Variants in PHACTR4 observed in about 807,000 individuals in gnomAD.
The protein encoded by PHACTR4 is phosphatase and actin regulator 4.
Under a neutral mutation model 72.7 loss-of-function variants are expected in PHACTR4, and 51 were observed. That is an observed-to-expected ratio of 0.70 (90% CI 0.56 to 0.89). The LOEUF is 0.89. Ranked by LOEUF, PHACTR4 falls within the 40% of genes least tolerant of loss-of-function variation. PHACTR4 has a pLI of 0.00. For synonymous variants in PHACTR4, 255 were observed against 302.5 expected, an observed-to-expected ratio of 0.84 and a Z score of 1.63; for missense variants, 731 against 861.8, an observed-to-expected ratio of 0.85 and a Z score of 1.90.
chr1:28,373,913 A>G (rs996682699), intron 1 of PHACTR4, among the ~76,000 whole-genome samples: 10 of 152,332 alleles, frequency 6.6e-5, no homozygotes, highest in Admixed American at 2.6e-4. Context: ...CTTCAAATCT[A>G]GTCCTCTTTC....
At chr1:28,483,265 C>CA (rs764602504) in intron 9 of PHACTR4, among the ~76,000 whole-genome samples, 32 of 152,036 alleles carry the variant, frequency 2.1e-4, no homozygotes, top group Non-Finnish European at 3.7e-4. Flanking sequence ...CATGGTGACA[C>CA]ACGTTTATGG....
At chr1:28,495,609 ATTTATTTTTT>A (rs1021523295) in intron 13 of PHACTR4, among the ~76,000 whole-genome samples, 1 of 143,782 alleles carries the variant, frequency 7.0e-6, no homozygotes, top group African/African-American at 2.9e-5. Flanking sequence ...ATTTTTATTT[ATTTATTTTTT>A]TTTTTTTTAT....
intron 2 of PHACTR4, among the ~76,000 whole-genome samples, chr1:28,421,214 C>G (rs535116090): frequency 6.6e-6 from 1 of 152,124 alleles, no homozygotes; most frequent in Non-Finnish European, 1.5e-5. Context: ...TACAAGATTA[C>G]TGTTTGAAAC....
chr1:28,489,904 A>G (rs767062804), intron 10 of PHACTR4: 1 of 518,638 alleles, frequency 1.9e-6, no homozygotes, highest in Non-Finnish European at 3.8e-6. Flanking sequence ...GGTATACACA[A>G]CTTAATAACT....
In PHACTR4 at chr1:28,485,467, A is replaced by G. The variant is rs1660577921; in HGVS notation, c.1761-3703A>G. The stretch of plus-strand genomic sequence containing the variant: ...CCGGGTGTTGTGGCAGGCACCTGTA[A>G]TCCCAGCTAGTCAGGAGGCTGAGGC... On this transcript the variant is annotated intron_variant, in intron 9 of 13. Transcript: ENST00000373839. Among the ~76,000 whole-genome samples the G allele has an allele frequency of 2.0e-5, 3 of 151,410 alleles. No homozygotes were observed. The South Asian group carries it at 6.2e-4, about 32-fold the overall frequency.
intron 2 of PHACTR4, among the ~76,000 whole-genome samples, chr1:28,454,325 G>A (rs1658208457): frequency 7.6e-6 from 1 of 131,534 alleles, no homozygotes; most frequent in Non-Finnish European, 1.5e-5. Flanking sequence ...CGCCCAGGCT[G>A]GAGTACAGTG....
At chr1:28,486,371 G>A (rs1244325523) in intron 9 of PHACTR4, among the ~76,000 whole-genome samples, 2 of 151,948 alleles carry the variant, frequency 1.3e-5, no homozygotes, top group Non-Finnish European at 2.9e-5. Flanking sequence ...GAAAGGAAAG[G>A]AAATAAATAC....
chr1:28,456,916 C>CAGATAGATAGATAGAT (rs67017920), intron 2 of PHACTR4, among the ~76,000 whole-genome samples: 6 of 150,768 alleles, frequency 4.0e-5, no homozygotes, highest in African/African-American at 1.5e-4. Flanking sequence ...GATAGAGAGA[C>CAGATAGATAGATAGAT]AGATAGATAG....
chr1:28,482,691 TTGGGAGGCTCACTTGAGG>T (rs1660352818), intron 9 of PHACTR4, among the ~76,000 whole-genome samples: 1 of 152,076 alleles, frequency 6.6e-6, no homozygotes. Flanking sequence ...TCCCAACATT[TTGGGAGGCTCACTTGAGG>T]TGGGAGGCTC....
chr1:28,465,710 C>T lies in PHACTR4; in HGVS notation c.297C>T (p.Ser99=), dbSNP rs1170866513. 4.3e-6 allele frequency: 7 copies of T among 1,613,548 alleles called. No homozygotes were observed. Among genetic ancestry groups the T allele is most frequent in the African/African-American group, 1.3e-5 (1 of 74,876 alleles). ...EQGGEDPGKP[S]DAMLKNGHTT... ...GTGGTGAGGATCCAGGAAAGCCAAG[C>T]GATGCCATGTTAAAGAATGGCCATA... The change falls in exon 5 of 14, where the codon AGC becomes AGT. Residue 99 remains serine (S), a synonymous_variant. Coordinates refer to ENST00000373839, the MANE Select transcript of PHACTR4 (RefSeq NM_001048183.3).
chr1:28,462,346 A>G (rs1265661945), intron 4 of PHACTR4, among the ~76,000 whole-genome samples: 2 of 151,652 alleles, frequency 1.3e-5, no homozygotes, highest in Non-Finnish European at 2.9e-5. Flanking sequence ...TCCACTTTCC[A>G]TGGCCTTTCT....
At chr1:28,436,057 G>T (rs1196391906) in intron 2 of PHACTR4, among the ~76,000 whole-genome samples, 2 of 152,002 alleles carry the variant, frequency 1.3e-5, no homozygotes, top group Non-Finnish European at 2.9e-5. Context: ...TGATGCCTTA[G>T]CATTGAGGTT....
intron 1 of PHACTR4, among the ~76,000 whole-genome samples, chr1:28,379,274 T>TC (rs1321794465): frequency 6.6e-6 from 1 of 150,572 alleles, no homozygotes; most frequent in African/African-American, 2.4e-5. Context: ...TTTCTTTCTT[T>TC]TTTTTTTTTT....
chr1:28,477,078 T>G (rs1462195543), intron 8 of PHACTR4, among the ~76,000 whole-genome samples: 22 of 146,728 alleles, frequency 1.5e-4, no homozygotes, highest in Non-Finnish European at 3.0e-5. Flanking sequence ...CCATAAAAGA[T>G]ATATATATAA....
chr1:28,402,191 C>T (rs150663543), intron 1 of PHACTR4, among the ~76,000 whole-genome samples: 2 of 152,262 alleles, frequency 1.3e-5, no homozygotes, highest in African/African-American at 4.8e-5. Context: ...TACAAAATAG[C>T]AGCTAACACA....
chr1:28,422,130 A>G (rs971032025), intron 2 of PHACTR4, among the ~76,000 whole-genome samples: 1 of 152,186 alleles, frequency 6.6e-6, no homozygotes, highest in African/African-American at 2.4e-5. Flanking sequence ...TACTTGTGTT[A>G]TTGGAATTTC....
intron 2 of PHACTR4, among the ~76,000 whole-genome samples, chr1:28,428,070 G>T (rs1333824555): frequency 6.6e-6 from 1 of 152,188 alleles, no homozygotes; most frequent in Non-Finnish European, 1.5e-5. Context: ...ATTTAAAACA[G>T]AATATTGAAT....
At chr1:28,410,059 C>T (rs1190604511) in intron 2 of PHACTR4, among the ~76,000 whole-genome samples, 2 of 105,772 alleles carry the variant, frequency 1.9e-5, no homozygotes, top group African/African-American at 5.6e-5. Flanking sequence ...CTCCGCCTCC[C>T]GAGTTCAAGC....
intron 1 of PHACTR4, among the ~76,000 whole-genome samples, chr1:28,379,970 T>C (rs1392572388): frequency 6.6e-6 from 1 of 151,962 alleles, no homozygotes; most frequent in East Asian, 1.9e-4. Flanking sequence ...GTGTTTCTAT[T>C]ATCAACTTTT....
Sources: allele counts gnomAD v4.1 joint callset (sites outside exome capture counted in the v4.1 genomes callset), GRCh38; gene constraint gnomAD v4.1.1; transcripts MANE v1.5; gene names NCBI Gene and HGNC (gene_info 2026-07-23, HGNC 2026-07-21).